The following PRKG1 variants were observed in gnomAD, a reference collection of about 807,000 sequenced individuals.
The protein encoded by PRKG1 is cGMP-dependent protein kinase 1.
A neutral mutation model predicts 88.1 loss-of-function variants in PRKG1; 35 were observed. The observed-to-expected ratio is 0.40, with a 90% CI of 0.30 to 0.53. PRKG1 has a LOEUF of 0.53. Among genes scored for constraint, PRKG1 ranks in the 20% least tolerant of loss-of-function variants. The probability of loss-of-function intolerance (pLI) is 0.59; values close to 1 mark genes in which losing one functional copy is unlikely to be tolerated. For missense variants in PRKG1, 540 were observed against 839.8 expected (o/e 0.64, Z 4.41); for synonymous variants, 303 against 292.5 (o/e 1.04, Z -0.37).
At chr10:51,164,466 C>T (rs1367826563) in intron 2 of PRKG1, among the ~76,000 whole-genome samples, 1 of 152,198 alleles carries the variant, frequency 6.6e-6, no homozygotes, top group African/African-American at 2.4e-5. Flanking sequence ...AGCAGAAAAA[C>T]TGGAAACTCC....
chr10:51,179,759 G>A (rs1289536672), intron 2 of PRKG1, among the ~76,000 whole-genome samples: 1 of 152,140 alleles, frequency 6.6e-6, no homozygotes, highest in Non-Finnish European at 1.5e-5. Flanking sequence ...CAGTGGAGAA[G>A]TCATTCTCTT....
chr10:51,289,746 T>A (rs1315921812), intron 2 of PRKG1, among the ~76,000 whole-genome samples: 2 of 151,478 alleles, frequency 1.3e-5, no homozygotes, highest in African/African-American at 4.9e-5. Context: ...TTAGGTGGGT[T>A]TTTGTGTGTG....
intron 5 of PRKG1, among the ~76,000 whole-genome samples, chr10:51,986,544 GT>G (rs1054394851): frequency 6.6e-6 from 1 of 152,192 alleles, no homozygotes; most frequent in Admixed American, 6.5e-5. Context: ...TTTCTATATG[GT>G]TTAAACCAGA....
At chr10:51,034,788 C>T (rs1388595846) in intron 1 of PRKG1, among the ~76,000 whole-genome samples, 1 of 148,128 alleles carries the variant, frequency 6.8e-6, no homozygotes, top group Non-Finnish European at 1.5e-5. Flanking sequence ...TTTCCCCATT[C>T]TGTACCTAAT....
In PRKG1 at chr10:52,298,281, T is replaced by C. The variant is rs565714687; in HGVS notation, c.*4381T>C. The C allele has an allele frequency of 1.2e-3, 188 of 151,898 alleles. No individual in the cohort carries two copies. Among genetic ancestry groups the C allele is most frequent in the African/African-American group, 4.3e-3 (178 of 41,418 alleles). 9.4% of individuals were successfully genotyped at this position (151,898 alleles called of 1,614,324 possible). A position where few individuals can be genotyped will look rare whatever the true frequency, so the allele number is the denominator to read the frequency against. ...GCTTTGATTTGCTCTGTATTTTTCC[T>C]GCAGCTGTAATTGCTGAGTGCCTGT... is the stretch of plus-strand genomic sequence containing the variant. On this transcript the variant is annotated 3_prime_UTR_variant, in exon 18 of 18. Coordinates refer to ENST00000373980, the MANE Select transcript of PRKG1 (RefSeq NM_006258.4).
intron 4 of PRKG1, among the ~76,000 whole-genome samples, chr10:51,808,128 G>C (rs1430012754): frequency 1.3e-5 from 2 of 152,134 alleles, no homozygotes; most frequent in East Asian, 3.9e-4. Context: ...TTGCTTTCCT[G>C]TAACTTCAGA....
chr10:52,199,043 A>G (rs1564513318), intron 9 of PRKG1, among the ~76,000 whole-genome samples: 1 of 152,108 alleles, frequency 6.6e-6, no homozygotes, highest in Non-Finnish European at 1.5e-5. Flanking sequence ...AACACACCCA[A>G]GATGACATTT....
chr10:52,241,393 C>T (rs1480221913), intron 9 of PRKG1, among the ~76,000 whole-genome samples: 2 of 152,166 alleles, frequency 1.3e-5, no homozygotes, highest in African/African-American at 4.8e-5. Flanking sequence ...GCTTCGTAGA[C>T]ATGTCCAATG....
intron 8 of PRKG1, among the ~76,000 whole-genome samples, chr10:52,149,584 G>A (rs371673904): frequency 6.6e-6 from 1 of 152,094 alleles, no homozygotes; most frequent in East Asian, 1.9e-4. Context: ...ACATGCAGAG[G>A]AAAGGCCATG....
intron 3 of PRKG1, among the ~76,000 whole-genome samples, chr10:51,713,855 T>C (rs1841820922): frequency 6.6e-6 from 1 of 152,352 alleles, no homozygotes; most frequent in South Asian, 2.1e-4. Context: ...TGGTTTCTAA[T>C]ATCTTTTAAG....
At chr10:51,263,644 A>G (rs77928731) in intron 2 of PRKG1, among the ~76,000 whole-genome samples, 1,762 of 152,338 alleles carry the variant, frequency 0.012, 44 homozygotes, top group African/African-American at 0.04. Flanking sequence ...CTTATCCGAA[A>G]GTTACTGTGC....
intron 7 of PRKG1, among the ~76,000 whole-genome samples, chr10:52,105,671 C>T (rs146818599): frequency 3.4e-4 from 52 of 151,968 alleles, no homozygotes; most frequent in Non-Finnish European, 6.5e-4. Context: ...AGGTTCGTTA[C>T]GTAAGTAAAC....
chr10:51,427,348 T>A (rs79203517), intron 2 of PRKG1, among the ~76,000 whole-genome samples: 4,508 of 152,302 alleles, frequency 0.03, 90 homozygotes, highest in Admixed American at 0.063. Context: ...TGTGGAGACT[T>A]GTCCAGCAGC....
intron 2 of PRKG1, among the ~76,000 whole-genome samples, chr10:51,192,855 G>GTCAT (rs1564633317): frequency 5.3e-5 from 8 of 151,956 alleles, no homozygotes; most frequent in Non-Finnish European, 2.9e-5. Flanking sequence ...TACCTTTCAA[G>GTCAT]TCATTCATTC....
intron 4 of PRKG1, among the ~76,000 whole-genome samples, chr10:51,819,371 C>G (rs145306754): frequency 6.6e-6 from 1 of 152,232 alleles, no homozygotes; most frequent in African/African-American, 2.4e-5. Context: ...AACCCAAATA[C>G]CTCCCATTAG....
chr10:52,008,999 G>T (rs758490187), intron 5 of PRKG1, among the ~76,000 whole-genome samples: 12 of 151,908 alleles, frequency 7.9e-5, no homozygotes, highest in Admixed American at 1.3e-4. Flanking sequence ...AAAAACCCTC[G>T]ATAAACTAGG....
At chr10:51,022,305 G>A (rs888432306) in intron 1 of PRKG1, among the ~76,000 whole-genome samples, 2 of 152,184 alleles carry the variant, frequency 1.3e-5, no homozygotes, top group Non-Finnish European at 2.9e-5. Flanking sequence ...TTATAGCATA[G>A]GAGTGTTTGG....
chr10:51,798,020 A>G (rs1839062495), intron 3 of PRKG1, among the ~76,000 whole-genome samples: 1 of 152,076 alleles, frequency 6.6e-6, no homozygotes, highest in Admixed American at 6.6e-5. Flanking sequence ...TTGTATGTAT[A>G]CACCACATTT....
At chr10:52,257,893 A>C (rs1439218424) in intron 10 of PRKG1, among the ~76,000 whole-genome samples, 1 of 139,544 alleles carries the variant, frequency 7.2e-6, no homozygotes, top group Non-Finnish European at 1.6e-5. Context: ...GCAACTGCTA[A>C]AATAACCACA....
Sources: gnomAD v4.1 joint callset for allele counts (sites outside exome capture counted in the v4.1 genomes callset) on GRCh38, gnomAD v4.1.1 for gene constraint, MANE v1.5 for transcripts, NCBI Gene and HGNC (gene_info 2026-07-23, HGNC 2026-07-21) for gene names.